LIMCH1: variants seen among roughly 807,000 people sequenced by gnomAD.
The protein encoded by LIMCH1 is LIM and calponin homology domains-containing protein 1.
LIMCH1 carries 113 observed loss-of-function variants against 176.5 expected under a neutral mutation model. That is an observed-to-expected ratio of 0.64 (90% CI 0.55 to 0.75). LIMCH1 has a LOEUF of 0.75. LIMCH1 is among the 30% of genes least tolerant of loss of function. The pLI is 0.00. For synonymous variants in LIMCH1, 619 were observed against 645.9 expected (o/e 0.96, Z 0.63); for missense variants, 1,674 against 1,814.9 (o/e 0.92, Z 1.41).
intron 1 of LIMCH1, among the ~76,000 whole-genome samples, chr4:41,542,814 G>GT (rs1235575091): frequency 6.6e-6 from 1 of 152,184 alleles, no homozygotes; most frequent in Non-Finnish European, 1.5e-5. Context: ...GGTATCTACA[G>GT]TAAGAGAGAA....
chr4:41,404,860 C>T (rs981102762), intron 1 of LIMCH1, among the ~76,000 whole-genome samples: 6 of 152,038 alleles, frequency 3.9e-5, no homozygotes, highest in Non-Finnish European at 4.4e-5. Flanking sequence ...CATGTTAGTT[C>T]ATTCTCTTCT....
chr4:41,620,746 G>T, intron 7 of LIMCH1, 56 bp downstream of exon 7: 1 of 1,483,234 alleles, frequency 6.7e-7, no homozygotes, highest in East Asian at 2.5e-5. Flanking sequence ...TGGGGATTTG[G>T]AATCTGTCTA....
At chr4:41,383,496 G>A (rs2056022197) in intron 1 of LIMCH1, among the ~76,000 whole-genome samples, 1 of 152,118 alleles carries the variant, frequency 6.6e-6, no homozygotes, top group Admixed American at 6.5e-5. Flanking sequence ...TGGATTAAGA[G>A]AAAACTGCAC....
At chr4:41,541,865 G>T (rs1449265661) in intron 1 of LIMCH1, among the ~76,000 whole-genome samples, 2 of 152,168 alleles carry the variant, frequency 1.3e-5, no homozygotes, top group Non-Finnish European at 1.5e-5. Context: ...GAATGACTTT[G>T]GTAAACAGCC....
intron 1 of LIMCH1, among the ~76,000 whole-genome samples, chr4:41,592,725 T>C (rs1478305594): frequency 6.6e-6 from 1 of 152,200 alleles, no homozygotes; most frequent in Non-Finnish European, 1.5e-5. Flanking sequence ...CCTTATGAGT[T>C]AGAAATCTGA....
intron 26 of LIMCH1, 151 bp downstream of exon 26, chr4:41,682,611 G>A (rs1298516244): frequency 1.7e-6 from 1 of 591,312 alleles, no homozygotes. Context: ...GACATATTTT[G>A]TAATAGGTCT....
At chr4:41,391,025 C>T (rs1267904398) in intron 1 of LIMCH1, among the ~76,000 whole-genome samples, 1 of 152,108 alleles carries the variant, frequency 6.6e-6, no homozygotes, top group African/African-American at 2.4e-5. Flanking sequence ...GTTTGCCACA[C>T]ACTTTTTTTT....
In LIMCH1 at chr4:41,692,376, G is replaced by A. The variant is rs1393633123; in HGVS notation, c.4370G>A (p.Arg1457Gln). ...CTGAACTGTAATGATTGCTACATGCGATCCAGAAGTAAGTACTGGGGAGAA... is the reference window on the plus strand; with the variant it reads ...CTGAACTGTAATGATTGCTACATGCAATCCAGAAGTAAGTACTGGGGAGAA... Reference protein sequence around the residue: ...GLLNCNDCYMRSRSAGQPTTL With the variant: ...GLLNCNDCYMQSRSAGQPTTL The change falls in exon 31 of 32, where the codon CGA becomes CAA. Residue 1457 changes from arginine (R) to glutamine (Q), a missense_variant. This residue lies in a region of LIMCH1 where 1,015 missense variants were observed against 1,102.5 expected (regional missense o/e 0.92). Transcript: ENST00000503057. 6.2e-6 allele frequency: 10 copies of A among 1,601,208 alleles called. No individual in the cohort carries two copies. In the African/African-American group the frequency reaches 9.4e-5, roughly 15 times the overall value.
At chr4:41,629,220 C>T (rs1475609555) in intron 8 of LIMCH1, among the ~76,000 whole-genome samples, 1 of 152,234 alleles carries the variant, frequency 6.6e-6, no homozygotes, top group Non-Finnish European at 1.5e-5. Context: ...AGTAATCTTT[C>T]AGCAGGCACG....
intron 1 of LIMCH1, among the ~76,000 whole-genome samples, chr4:41,556,816 T>A (rs1189875932): frequency 6.6e-6 from 1 of 152,124 alleles, no homozygotes; most frequent in Non-Finnish European, 1.5e-5. Flanking sequence ...TTGAGGAGTG[T>A]TTTTGAAACT....
intron 1 of LIMCH1, among the ~76,000 whole-genome samples, chr4:41,585,649 C>T (rs2086306200): frequency 6.6e-6 from 1 of 152,192 alleles, no homozygotes; most frequent in South Asian, 2.1e-4. Context: ...TTTACATTCT[C>T]ACCAGCAATG....
chr4:41,655,551 T>G (rs2094438800), intron 18 of LIMCH1, among the ~76,000 whole-genome samples: 1 of 152,262 alleles, frequency 6.6e-6, no homozygotes, highest in African/African-American at 2.4e-5. Flanking sequence ...GATGAATTGC[T>G]TTTAATCTTC....
intron 27 of LIMCH1, 27 bp from the exon 28 acceptor site, chr4:41,685,683 A>G (rs1720177554): frequency 8.7e-6 from 14 of 1,612,572 alleles, no homozygotes; most frequent in Non-Finnish European, 1.1e-5. Flanking sequence ...ACTGTGCACT[A>G]CATTTATGTT....
chr4:41,370,612 A>T (rs1169180211), intron 1 of LIMCH1, among the ~76,000 whole-genome samples: 3 of 152,178 alleles, frequency 2.0e-5, no homozygotes, highest in African/African-American at 7.2e-5. Flanking sequence ...GCAAGATGTC[A>T]TAAATAGGAG....
At chr4:41,592,721 G>A (rs1329623347) in intron 1 of LIMCH1, among the ~76,000 whole-genome samples, 1 of 152,172 alleles carries the variant, frequency 6.6e-6, no homozygotes, top group East Asian at 1.9e-4. Flanking sequence ...CCCACCTTAT[G>A]AGTTAGAAAT....
intron 1 of LIMCH1, among the ~76,000 whole-genome samples, chr4:41,432,020 A>C (rs1019961236): frequency 6.6e-6 from 1 of 152,222 alleles, no homozygotes; most frequent in Non-Finnish European, 1.5e-5. Flanking sequence ...TATTACTTGC[A>C]CATTGCAGGT....
chr4:41,617,548 G>A (rs775122209), intron 5 of LIMCH1, among the ~76,000 whole-genome samples: 3 of 152,250 alleles, frequency 2.0e-5, no homozygotes, highest in Admixed American at 6.5e-5. Flanking sequence ...TTTAAGGACC[G>A]GGTGGAAAGG....
intron 1 of LIMCH1, among the ~76,000 whole-genome samples, chr4:41,436,127 TA>T (rs938638261): frequency 6.6e-6 from 1 of 152,264 alleles, no homozygotes; most frequent in Non-Finnish European, 1.5e-5. Flanking sequence ...GTTTTTCTAT[TA>T]AAAAAATACA....
At chr4:41,654,399 C>T (rs1300122543) in intron 18 of LIMCH1, among the ~76,000 whole-genome samples, 1 of 152,092 alleles carries the variant, frequency 6.6e-6, no homozygotes, top group Non-Finnish European at 1.5e-5. Context: ...CGAATGTAAG[C>T]GTTCTGAGCA....
Sources: gnomAD v4.1 joint callset for allele counts (sites outside exome capture counted in the v4.1 genomes callset) on GRCh38, gnomAD v4.1.1 for gene constraint, gnomAD v4.1.1 regional missense constraint, MANE v1.5 for transcripts, NCBI Gene and HGNC (gene_info 2026-07-23, HGNC 2026-07-21) for gene names.